ATRN: variants seen among roughly 807,000 people sequenced by gnomAD.
The protein encoded by ATRN is attractin.
A neutral mutation model predicts 178.7 loss-of-function variants in ATRN; 54 were observed. The observed-to-expected ratio is 0.30, with a 90% CI of 0.24 to 0.38. The LOEUF is 0.38. Among genes scored for constraint, ATRN ranks in the 10% least tolerant of loss-of-function variants. The pLI is 1.00. For synonymous variants in ATRN, 636 were observed against 663.0 expected (o/e 0.96, Z 0.63); for missense variants, 1,443 against 1,815.1 (o/e 0.79, Z 3.73).
At position 3,638,991 on chromosome 20, in the gene ATRN, A is replaced by G; in HGVS notation, c.4050+56A>G. 1 of 1,418,850 alleles carries G rather than the reference A, an allele frequency of 7.0e-7. No individual in the cohort carries two copies. Among genetic ancestry groups the G allele is most frequent in the Non-Finnish European group, 9.8e-7 (1 of 1,023,610 alleles). 87.9% of individuals were successfully genotyped at this position (1,418,850 alleles called of 1,614,324 possible). A position where few individuals can be genotyped will look rare whatever the true frequency, so the allele number is the denominator to read the frequency against. ...TTGACTTTTTAAAACTTAGGCTCCTAAGTCTGGGAAACCAGAGAGAGCAAA... is the reference window on the plus strand; with the variant it reads ...TTGACTTTTTAAAACTTAGGCTCCTGAGTCTGGGAAACCAGAGAGAGCAAA... On this transcript the variant is annotated intron_variant, in intron 27 of 28. Coordinates refer to ENST00000262919, the MANE Select transcript of ATRN (RefSeq NM_139321.3). This position sits in a 1 kb window ranked among gnomAD's most constrained non-coding sequence, Gnocchi z 4.5.
chr20:3,619,870 A>G (rs1454493590), intron 24 of ATRN, among the ~76,000 whole-genome samples: 2 of 152,148 alleles, frequency 1.3e-5, no homozygotes, highest in African/African-American at 4.8e-5. Context: ...TGAGGGCAGC[A>G]TCCTCACTCT....
At chr20:3,575,166 G>A (rs993216283) in intron 12 of ATRN, among the ~76,000 whole-genome samples, 6 of 152,172 alleles carry the variant, frequency 3.9e-5, no homozygotes, top group African/African-American at 1.4e-4. Flanking sequence ...GTTTCACCAT[G>A]TTGACCAGGC....
intron 6 of ATRN, 107 bp downstream of exon 6, chr20:3,549,445 A>G (rs1249251920): frequency 4.3e-5 from 43 of 990,176 alleles, no homozygotes; most frequent in Non-Finnish European, 5.8e-5. Context: ...TACCTAAAGA[A>G]AATCCCTGTT....
rs542069376 is a variant in ATRN at position 3,569,173 on chromosome 20, G to A, written c.1872-3558G>A. 3.5e-4 allele frequency among the ~76,000 whole-genome samples: 53 copies of A among 152,308 alleles called. No individual in the cohort carries two copies. The Middle Eastern group carries it at 0.02, about 59-fold the overall frequency. On this transcript the variant is annotated intron_variant, in intron 11 of 28. Coordinates refer to ENST00000262919, the MANE Select transcript of ATRN (RefSeq NM_139321.3). ...GCAAATATGGAATCTACAATCTGCA[G>A]ATATGGTCATGTGTCACTGAATGAT...
intron 1 of ATRN, chr20:3,489,656 G>T: frequency 1.3e-6 from 2 of 1,506,458 alleles, no homozygotes; most frequent in Non-Finnish European, 1.8e-6. Flanking sequence ...ATTTGAATTT[G>T]GCCCACAAGG....
At chr20:3,505,211 G>C (rs1028105551) in intron 1 of ATRN, among the ~76,000 whole-genome samples, 1 of 152,180 alleles carries the variant, frequency 6.6e-6, no homozygotes. Context: ...AGAACAAAAA[G>C]GCAAATCTCA....
rs1258543200 is a variant in ATRN, at chr20:3,492,867, GTGCGCACGCACA to G, written c.410+21351_410+21362del. ...GAGAGAGAGAGAGGCGCGCGCGCGC[GTGCGCACGCACA>G]CACACACACACACACACATAACTAA... On this transcript the variant is annotated intron_variant, in intron 1 of 28. Transcript: ENST00000262919. Among the ~76,000 whole-genome samples, 287 of 111,756 alleles carry G rather than the reference GTGCGCACGCACA, an allele frequency of 2.6e-3. 3 individuals carry two copies. Among genetic ancestry groups the G allele is most frequent in the African/African-American group, 0.011 (270 of 25,258 alleles). The allele number at this position is 111,756 out of a possible 152,430, so 73.3% of individuals were successfully genotyped here.
At chr20:3,473,073 T>C (rs1384008883) in intron 1 of ATRN, among the ~76,000 whole-genome samples, 2 of 152,234 alleles carry the variant, frequency 1.3e-5, no homozygotes, top group Non-Finnish European at 2.9e-5. Context: ...TAGGGTGTTC[T>C]GATTTATGAA....
At chr20:3,527,673 A>G (rs533615291) in intron 1 of ATRN, among the ~76,000 whole-genome samples, 1 of 152,210 alleles carries the variant, frequency 6.6e-6, no homozygotes, top group Non-Finnish European at 1.5e-5. Context: ...AACCAACCCA[A>G]ATGCCCATCG....
chr20:3,539,271 T>C lies in ATRN; in HGVS notation c.495-951T>C, dbSNP rs1158435819. On this transcript the variant is annotated intron_variant, in intron 2 of 28. Transcript: ENST00000262919. ...CTAGAGAGTGAAGGGGTGAGTGAGA[T>C]AGAGTCACTGGAGGAAGCAAAGTCT... is the stretch of plus-strand genomic sequence containing the variant. 2.6e-5 allele frequency among the ~76,000 whole-genome samples: 4 copies of C among 152,150 alleles called. No homozygotes were observed. In the East Asian group the frequency reaches 7.7e-4, roughly 29 times the overall value.
chr20:3,624,268 A>G (rs150997218), intron 24 of ATRN, among the ~76,000 whole-genome samples: 171 of 152,360 alleles, frequency 1.1e-3, no homozygotes, highest in African/African-American at 3.9e-3. Context: ...ACAGAACCTC[A>G]GAACTGGTGT....
At chr20:3,516,486 C>T (rs897403965) in intron 1 of ATRN, among the ~76,000 whole-genome samples, 1 of 152,078 alleles carries the variant, frequency 6.6e-6, no homozygotes, top group Non-Finnish European at 1.5e-5. Context: ...TATAATATAT[C>T]CTGATTTCTG....
At chr20:3,579,315 G>A (rs947472970) in intron 15 of ATRN, among the ~76,000 whole-genome samples, 9 of 151,984 alleles carry the variant, frequency 5.9e-5, no homozygotes, top group African/African-American at 1.9e-4. Flanking sequence ...GTAAAACCCC[G>A]TCTCTACTAA....
chr20:3,599,056 G>T (rs1282718942), intron 22 of ATRN, among the ~76,000 whole-genome samples: 1 of 151,922 alleles, frequency 6.6e-6, no homozygotes, highest in Non-Finnish European at 1.5e-5. Flanking sequence ...CTATTTCAAA[G>T]ATAAAATTAA....
intron 6 of ATRN, among the ~76,000 whole-genome samples, chr20:3,556,271 T>C (rs149615): frequency 0.75 from 114,434 of 152,112 alleles, 43,480 homozygotes; most frequent in East Asian, 1. Context: ...AGAAAAATTT[T>C]ATAGTTTCTT....
chr20:3,543,585 C>T (rs911363218), intron 3 of ATRN, among the ~76,000 whole-genome samples: 1 of 151,852 alleles, frequency 6.6e-6, no homozygotes, highest in African/African-American at 2.4e-5. Context: ...ATCATCTGGG[C>T]ATGGTGGGGT....
At chr20:3,565,464 T>C (rs2086019513) in intron 11 of ATRN, 32 bp downstream of exon 11, 8 of 1,583,768 alleles carry the variant, frequency 5.1e-6, no homozygotes, top group Non-Finnish European at 6.9e-6. Context: ...CCTTTTCTTT[T>C]GTGTTTAAAA....
chr20:3,552,143 C>G (rs543604038), intron 6 of ATRN, among the ~76,000 whole-genome samples: 1 of 152,188 alleles, frequency 6.6e-6, no homozygotes, highest in Non-Finnish European at 1.5e-5. Flanking sequence ...CCTTCTCAGC[C>G]TCTTTAGCTG....
intron 24 of ATRN, among the ~76,000 whole-genome samples, chr20:3,617,986 C>T (rs776478398): frequency 3.3e-5 from 5 of 152,150 alleles, no homozygotes; most frequent in Non-Finnish European, 5.9e-5. Flanking sequence ...GCCTTCACCC[C>T]GACGCACAGG....
Sources: gnomAD v4.1 joint callset for allele counts (sites outside exome capture counted in the v4.1 genomes callset) on GRCh38, gnomAD v4.1.1 for gene constraint, Gnocchi (gnomAD v3.1) non-coding constraint, MANE v1.5 for transcripts, NCBI Gene and HGNC (gene_info 2026-07-23, HGNC 2026-07-21) for gene names.